CEP128: variants seen among roughly 807,000 people sequenced by gnomAD.
CEP128 encodes the protein centrosomal protein 128kDa.
A neutral mutation model predicts 156.7 loss-of-function variants in CEP128; 132 were observed. The ratio of observed to expected loss-of-function variants is 0.84; its 90% CI spans 0.73 to 0.97. The LOEUF is 0.97. CEP128 is among the 50% of genes least tolerant of loss of function. CEP128 has a pLI of 0.00. For missense variants in CEP128, 1,252 were observed against 1,281.9 expected (o/e 0.98, Z 0.36); for synonymous variants, 469 against 448.9 (o/e 1.04, Z -0.57).
intron 19 of CEP128, among the ~76,000 whole-genome samples, chr14:80,596,846 G>GT (rs1892346906): frequency 3.6e-5 from 1 of 27,870 alleles, no homozygotes; most frequent in Non-Finnish European, 7.4e-5. Flanking sequence ...AAAAAAAGGT[G>GT]GGGGGGGGAG....
At position 80,771,736 on chromosome 14, in the gene CEP128, A is replaced by G. The variant is rs576296636; in HGVS notation, c.2376+6146T>C. 6.6e-4 allele frequency among the ~76,000 whole-genome samples: 101 copies of G among 152,366 alleles called. 1 individual carries two copies. The highest frequency in any genetic ancestry group is 2.3e-3 in the African/African-American group (97 of 41,592). ...CTGAAAGAATTAATAGCAGAAAATA[A>G]GGTCCTCTAAAGAGAACTAAGCATA... On this transcript the variant is annotated intron_variant, in intron 16 of 24. Coordinates refer to ENST00000555265, the MANE Select transcript of CEP128 (RefSeq NM_152446.5).
chr14:80,795,997 T>C (rs1029349508), intron 13 of CEP128, among the ~76,000 whole-genome samples: 5 of 152,120 alleles, frequency 3.3e-5, no homozygotes, highest in Non-Finnish European at 1.5e-5. Context: ...AAAAGCACTT[T>C]CCTCAATCCT....
intron 19 of CEP128, among the ~76,000 whole-genome samples, chr14:80,584,933 T>G (rs1046031141): frequency 6.6e-6 from 1 of 152,210 alleles, no homozygotes; most frequent in Non-Finnish European, 1.5e-5. Flanking sequence ...ATGTTCGTGT[T>G]TTCTTTTATT....
chr14:80,930,743 G>A (rs1264801698), intron 2 of CEP128, among the ~76,000 whole-genome samples: 2 of 152,124 alleles, frequency 1.3e-5, no homozygotes, highest in African/African-American at 4.8e-5. Context: ...AAAAAAACAT[G>A]AACACAAAGA....
intron 13 of CEP128, among the ~76,000 whole-genome samples, chr14:80,814,200 G>A (rs1392348495): frequency 1.3e-5 from 2 of 152,124 alleles, no homozygotes; most frequent in African/African-American, 2.4e-5. Context: ...TCTAAAATAT[G>A]TGAATTGATG....
At chr14:80,665,549 AG>A (rs1331505460) in intron 19 of CEP128, among the ~76,000 whole-genome samples, 4 of 152,172 alleles carry the variant, frequency 2.6e-5, no homozygotes, top group African/African-American at 9.7e-5. Flanking sequence ...CAAAAGTAAA[AG>A]TTTCAAACTC....
At chr14:80,734,264 T>G (rs1344276542) in intron 19 of CEP128, among the ~76,000 whole-genome samples, 2 of 152,074 alleles carry the variant, frequency 1.3e-5, no homozygotes, top group African/African-American at 2.4e-5. Context: ...AAGAATATAA[T>G]AATGAATACA....
chr14:80,838,766 T>C (rs1004524441), intron 10 of CEP128, among the ~76,000 whole-genome samples: 1 of 152,186 alleles, frequency 6.6e-6, no homozygotes, highest in Non-Finnish European at 1.5e-5. Context: ...ACATTCCTAA[T>C]ATTTCTAATA....
intron 19 of CEP128, among the ~76,000 whole-genome samples, chr14:80,642,526 T>C (rs1241196226): frequency 6.6e-6 from 1 of 151,768 alleles, no homozygotes; most frequent in Non-Finnish European, 1.5e-5. Flanking sequence ...CTATAAAAAA[T>C]AAAAAGGCTA....
chr14:80,823,359 G>C (rs141461288), intron 13 of CEP128, among the ~76,000 whole-genome samples: 1 of 152,208 alleles, frequency 6.6e-6, no homozygotes, highest in Non-Finnish European at 1.5e-5. Flanking sequence ...GGGTCGGCTT[G>C]TGAAAAGTTG....
At chr14:80,857,741 A>AAC (rs1887264852) in intron 9 of CEP128, among the ~76,000 whole-genome samples, 19 of 138,340 alleles carry the variant, frequency 1.4e-4, no homozygotes, top group African/African-American at 4.2e-4. Context: ...TCTCAAAAAA[A>AAC]AACAACAACA....
At chr14:80,629,316 T>C (rs768528004) in intron 19 of CEP128, among the ~76,000 whole-genome samples, 1 of 152,116 alleles carries the variant, frequency 6.6e-6, no homozygotes, top group Non-Finnish European at 1.5e-5. Context: ...TCTTGAAGAG[T>C]TGTAGTGAAG....
At chr14:80,755,681 TC>T (rs1899620617) in intron 18 of CEP128, among the ~76,000 whole-genome samples, 1 of 152,222 alleles carries the variant, frequency 6.6e-6, no homozygotes, top group Non-Finnish European at 1.5e-5. Context: ...TAGTTTTTTG[TC>T]CTCTGATTTC....
At chr14:80,684,562 CA>C (rs1486023614) in intron 19 of CEP128, among the ~76,000 whole-genome samples, 2 of 151,834 alleles carry the variant, frequency 1.3e-5, no homozygotes, top group Non-Finnish European at 2.9e-5. Context: ...TCTGAAAAAT[CA>C]AGGAGGAGTA....
intron 2 of CEP128, among the ~76,000 whole-genome samples, chr14:80,926,371 T>C (rs1382708438): frequency 6.6e-6 from 1 of 152,150 alleles, no homozygotes; most frequent in African/African-American, 2.4e-5. Context: ...TGGGGCTTAC[T>C]GCCACCCGCT....
chr14:80,503,700 A>G (rs1887841525), intron 24 of CEP128, among the ~76,000 whole-genome samples: 1 of 152,162 alleles, frequency 6.6e-6, no homozygotes, highest in African/African-American at 2.4e-5. Context: ...TAAATATGAA[A>G]GAAAAAAAAT....
At chr14:80,796,812 A>T (rs1883511730) in intron 13 of CEP128, among the ~76,000 whole-genome samples, 1 of 152,204 alleles carries the variant, frequency 6.6e-6, no homozygotes, top group Non-Finnish European at 1.5e-5. Context: ...TAATGGCTTC[A>T]TAACTTTCTA....
At chr14:80,572,355 C>T (rs1891176253) in intron 20 of CEP128, among the ~76,000 whole-genome samples, 1 of 152,128 alleles carries the variant, frequency 6.6e-6, no homozygotes, top group South Asian at 2.1e-4. Flanking sequence ...TGTGTTTCAA[C>T]CAGAAAGGTA....
In CEP128 at chr14:80,825,165, C is replaced by A. The variant is rs191848264; in HGVS notation, c.1209+5978G>T. Among the ~76,000 whole-genome samples the A allele has an allele frequency of 1.6e-3, 250 of 152,316 alleles. 1 individual carries two copies. Among genetic ancestry groups the A allele is most frequent in the African/African-American group, 5.8e-3 (241 of 41,576 alleles). ...ATTCAATAATTACCTCCAACCGGGT[C>A]CCTCCCACAACGGTGGGGATTCAAG... On this transcript the variant is annotated intron_variant, in intron 13 of 24. Transcript: ENST00000555265.
Sources: gnomAD v4.1 joint callset for allele counts (sites outside exome capture counted in the v4.1 genomes callset) on GRCh38, gnomAD v4.1.1 for gene constraint, MANE v1.5 for transcripts, NCBI Gene and HGNC (gene_info 2026-07-23, HGNC 2026-07-21) for gene names.